Variants in USP25 observed in about 807,000 individuals in gnomAD.
The protein encoded by USP25 is ubiquitin specific peptidase 25, also known as ubiquitin carboxyl-terminal hydrolase 25.
In USP25, 85 loss-of-function variants were observed where a neutral mutation model predicts 158.5. The ratio of observed to expected loss-of-function variants is 0.54; its 90% confidence interval spans 0.45 to 0.64. The LOEUF (loss-of-function observed/expected upper bound fraction) is 0.64. Ranked by LOEUF, USP25 falls within the 30% of genes least tolerant of loss-of-function variation. The pLI, the probability that USP25 is intolerant of heterozygous loss-of-function variation, is 0.00. For synonymous variants in USP25, 464 were observed against 460.4 expected (o/e 1.01, Z -0.10); for missense variants, 1,242 against 1,327.3 (o/e 0.94, Z 1.00).
intron 6 of USP25, among the ~76,000 whole-genome samples, chr21:15,803,355 C>G (rs2036223182): frequency 6.6e-6 from 1 of 151,682 alleles, no homozygotes; most frequent in Non-Finnish European, 1.5e-5. Context: ...AGAATTGTAG[C>G]AAATTTTTGA....
intron 2 of USP25, among the ~76,000 whole-genome samples, chr21:15,765,158 T>A (rs2033968109): frequency 6.6e-6 from 1 of 152,124 alleles, no homozygotes; most frequent in Admixed American, 6.6e-5. Flanking sequence ...GAGCCTTCCA[T>A]GTTTTGGTTT....
chr21:15,750,212 ATGT>A (rs2032888166), intron 1 of USP25, among the ~76,000 whole-genome samples: 1 of 71,166 alleles, frequency 1.4e-5, no homozygotes. Context: ...GTGTGTGTGT[ATGT>A]TTTTTTTTTT....
intron 18 of USP25, among the ~76,000 whole-genome samples, chr21:15,844,872 C>G (rs1037234537): frequency 6.6e-6 from 1 of 152,066 alleles, no homozygotes; most frequent in Non-Finnish European, 1.5e-5. Flanking sequence ...CCTTTTATAA[C>G]CATTTCCCCA....
chr21:15,770,771 C>T (rs1354811712), intron 3 of USP25, among the ~76,000 whole-genome samples: 6 of 152,106 alleles, frequency 3.9e-5, no homozygotes, highest in Admixed American at 2.0e-4. Flanking sequence ...TGCTACATTT[C>T]CATTATCACA....
chr21:15,760,039 C>A (rs965569484), intron 1 of USP25, among the ~76,000 whole-genome samples: 10 of 152,180 alleles, frequency 6.6e-5, no homozygotes, highest in Admixed American at 5.9e-4. Context: ...AAGTGAAATT[C>A]TTTGGTGGCA....
At chr21:15,839,010 C>T (rs552424961) in intron 17 of USP25, among the ~76,000 whole-genome samples, 1 of 152,252 alleles carries the variant, frequency 6.6e-6, no homozygotes, top group African/African-American at 2.4e-5. Flanking sequence ...GAAAATCACT[C>T]TGTGGAGGCC....
chr21:15,869,079 A>G (rs921553601), intron 22 of USP25, among the ~76,000 whole-genome samples: 5 of 152,076 alleles, frequency 3.3e-5, no homozygotes, highest in African/African-American at 9.7e-5. Context: ...GACCCTGTCT[A>G]TACAAAACAG....
chr21:15,783,679 C>T (rs934344467), intron 4 of USP25, among the ~76,000 whole-genome samples: 32 of 151,722 alleles, frequency 2.1e-4, no homozygotes, highest in African/African-American at 6.5e-4. Context: ...AAAGAAGGGC[C>T]GGGCGCAGTG....
At chr21:15,877,717 T>C (rs2040152769) in intron 24 of USP25, 79 bp from the exon 25 acceptor site, 1 of 1,016,722 alleles carries the variant, frequency 9.8e-7, no homozygotes, top group Non-Finnish European at 1.5e-6. Flanking sequence ...TATGTTGTCT[T>C]CCTTATTAAT....
At chr21:15,830,399 A>T (rs973808479) in intron 14 of USP25, 132 bp from the exon 15 acceptor site, 1 of 606,838 alleles carries the variant, frequency 1.6e-6, no homozygotes, top group African/African-American at 1.9e-5. Flanking sequence ...TTCAAATGGT[A>T]ATGTTTTTTA....
At chr21:15,836,369 G>A (rs560800296) in intron 17 of USP25, among the ~76,000 whole-genome samples, 10 of 152,276 alleles carry the variant, frequency 6.6e-5, no homozygotes, top group African/African-American at 1.9e-4. Flanking sequence ...AGCACCATTC[G>A]TTCCCTACTG....
chr21:15,817,675 G>T (rs1002902420), intron 9 of USP25, among the ~76,000 whole-genome samples: 1 of 152,132 alleles, frequency 6.6e-6, no homozygotes, highest in Non-Finnish European at 1.5e-5. Flanking sequence ...TCACTTGGTG[G>T]CAGACAAGAG....
chr21:15,799,853 A>G lies in USP25; in HGVS notation c.642+10A>G, dbSNP rs1213872115. 2.5e-6 allele frequency: 4 copies of G among 1,597,046 alleles called. No homozygotes were observed. The highest frequency in any genetic ancestry group is 2.6e-6 in the Non-Finnish European group (3 of 1,169,706). On this transcript the variant is annotated intron_variant, in intron 6 of 25. Transcript: ENST00000400183. The stretch of plus-strand genomic sequence containing the variant: ...ACCCCGAAACCAAAAGGTAAAATTC[A>G]AAAGATTTTTTTAAGCAGTATATAT...
chr21:15,730,315 G>A lies in USP25; in HGVS notation c.-79G>A. On this transcript the variant is annotated 5_prime_UTR_variant, in exon 1 of 26. Coordinates refer to ENST00000400183, the MANE Select transcript of USP25 (RefSeq NM_001283041.3). ...TCCGCGCCGCTCCCTGGAGCTCGGC[G>A]GAGCGCGGCAGCCAGGGCCGGCGGA... 1 of 1,033,136 alleles carries A rather than the reference G, an allele frequency of 9.7e-7. No homozygotes were observed. The highest frequency in any genetic ancestry group is 1.2e-6 in the Non-Finnish European group (1 of 862,230). 64.0% of individuals were successfully genotyped at this position (1,033,136 alleles called of 1,614,324 possible).
At chr21:15,806,602 A>G (rs2036405524) in intron 7 of USP25, among the ~76,000 whole-genome samples, 1 of 152,148 alleles carries the variant, frequency 6.6e-6, no homozygotes, top group East Asian at 1.9e-4. Flanking sequence ...CACAATATAA[A>G]TGCTTTTGCT....
At chr21:15,827,765 CGTGTGTGTGT>C (rs34923569) in intron 14 of USP25, among the ~76,000 whole-genome samples, 9,933 of 136,854 alleles carry the variant, frequency 0.073, 416 homozygotes, top group African/African-American at 0.12. Context: ...TGTGCGTGTG[CGTGTGTGTGT>C]GTGTGTGTGT....
intron 1 of USP25, among the ~76,000 whole-genome samples, chr21:15,738,479 A>G (rs558089027): frequency 9.2e-5 from 14 of 152,340 alleles, no homozygotes; most frequent in African/African-American, 3.4e-4. Flanking sequence ...ACACAAAACT[A>G]TTGTACATCT....
chr21:15,863,805 G>A, intron 20 of USP25, among the ~76,000 whole-genome samples: 1 of 151,894 alleles, frequency 6.6e-6, no homozygotes, highest in East Asian at 1.9e-4. Flanking sequence ...GGGAGGCCAA[G>A]GCGGGCGGAT....
At chr21:15,743,756 GTTGGTCTACTGTGGCGCCTGCCTAGGAA>G (rs1393295145) in intron 1 of USP25, among the ~76,000 whole-genome samples, 9 of 151,874 alleles carry the variant, frequency 5.9e-5, no homozygotes, top group South Asian at 2.1e-4. Context: ...CTGCCTAGGA[GTTGGTCTACTGTGGCGCCTGCCTAGGAA>G]TTGGTCTACT....
Sources: allele counts gnomAD v4.1 joint callset (sites outside exome capture counted in the v4.1 genomes callset), GRCh38; gene constraint gnomAD v4.1.1; transcripts MANE v1.5; gene names NCBI Gene and HGNC (gene_info 2026-07-23, HGNC 2026-07-21).